PLXNA2: variants seen among roughly 807,000 people sequenced by gnomAD.
The protein encoded by PLXNA2 is plexin-A2.
Under a neutral mutation model 193.5 loss-of-function variants are expected in PLXNA2, and 91 were observed. That is an observed-to-expected ratio of 0.47 (90% CI 0.40 to 0.56). The LOEUF (loss-of-function observed/expected upper bound fraction) is 0.56. Ranked by LOEUF, PLXNA2 falls within the 20% of genes least tolerant of loss-of-function variation. The pLI is 0.00. For missense variants in PLXNA2, 1,995 were observed against 2,503.2 expected, an observed-to-expected ratio of 0.80 and a Z score of 4.33; for synonymous variants, 997 against 1,027.3, an observed-to-expected ratio of 0.97 and a Z score of 0.56.
At chr1:208,175,701 G>A (rs1420536987) in intron 3 of PLXNA2, among the ~76,000 whole-genome samples, 3 of 152,192 alleles carry the variant, frequency 2.0e-5, no homozygotes, top group African/African-American at 7.2e-5. Context: ...GCTCCCCAGG[G>A]GAATGGGCTG....
chr1:208,186,925 G>C (rs1357752294), intron 3 of PLXNA2, among the ~76,000 whole-genome samples: 1 of 151,162 alleles, frequency 6.6e-6, no homozygotes, highest in Non-Finnish European at 1.5e-5. Context: ...GTTTCACCTT[G>C]TTAGCCAGGA....
intron 8 of PLXNA2, 97 bp downstream of exon 8, chr1:208,095,932 A>T: frequency 1.1e-6 from 1 of 898,564 alleles, no homozygotes; most frequent in Non-Finnish European, 1.8e-6. Context: ...AGGTGACTAC[A>T]ACGTGGTTCC....
chr1:208,169,952 T>G (rs1441367627), intron 3 of PLXNA2, among the ~76,000 whole-genome samples: 2 of 152,210 alleles, frequency 1.3e-5, no homozygotes, highest in African/African-American at 4.8e-5. Context: ...ACTTTTCTAG[T>G]CACTGACAAC....
At chr1:208,173,961 C>T (rs149712005) in intron 3 of PLXNA2, among the ~76,000 whole-genome samples, 183 of 152,318 alleles carry the variant, frequency 1.2e-3, no homozygotes, top group Non-Finnish European at 2.1e-3. Context: ...GGTGCATGTG[C>T]GCACCCCCAC....
chr1:208,173,887 G>A (rs1053074858), intron 3 of PLXNA2, among the ~76,000 whole-genome samples: 10 of 152,236 alleles, frequency 6.6e-5, no homozygotes, highest in Non-Finnish European at 1.3e-4. Flanking sequence ...GCTGCTGCTT[G>A]CTCGACTTTC....
intron 4 of PLXNA2, among the ~76,000 whole-genome samples, chr1:208,110,491 C>T (rs752039693): frequency 1.7e-4 from 26 of 152,182 alleles, no homozygotes; most frequent in African/African-American, 3.6e-4. Flanking sequence ...GGCAGTGGAC[C>T]GAGCTTGTTG....
chr1:208,198,205 C>T (rs944777904), intron 3 of PLXNA2, among the ~76,000 whole-genome samples: 5 of 152,180 alleles, frequency 3.3e-5, no homozygotes, highest in Admixed American at 3.3e-4. Context: ...CAGCAGTGGT[C>T]GGCTGTTAAC....
intron 4 of PLXNA2, among the ~76,000 whole-genome samples, chr1:208,107,086 G>C (rs983484246): frequency 6.6e-6 from 1 of 152,210 alleles, no homozygotes; most frequent in African/African-American, 2.4e-5. Context: ...CCAAAACAAT[G>C]TCCTCCATGA....
chr1:208,081,001 G>T (rs1409186357), intron 11 of PLXNA2, among the ~76,000 whole-genome samples: 1 of 152,218 alleles, frequency 6.6e-6, no homozygotes, highest in African/African-American at 2.4e-5. Flanking sequence ...GCTAGTGGGT[G>T]GAGGTGATAC....
chr1:208,073,946 C>T lies in PLXNA2; in HGVS notation c.2586+5314G>A, dbSNP rs181081346. Among the ~76,000 whole-genome samples, 200 of 152,286 alleles carry T rather than the reference C, an allele frequency of 1.3e-3. No homozygotes were observed. In the Middle Eastern group the frequency reaches 0.024, roughly 18 times the overall value. Reference sequence around the variant, plus strand: ...CCTCACAGCGCTCAGAAGGAACCCACGCTGCTGACACCTTGATCTTGAAGT... The same window carrying T: ...CCTCACAGCGCTCAGAAGGAACCCATGCTGCTGACACCTTGATCTTGAAGT... On this transcript the variant is annotated intron_variant, in intron 12 of 31. Transcript: ENST00000367033.
At position 208,084,231 on chromosome 1, in the gene PLXNA2, G is replaced by A. The variant is rs893992690; in HGVS notation, c.2298+149C>T. 9.2e-6 allele frequency: 7 copies of A among 757,984 alleles called. No individual in the cohort carries two copies. In the African/African-American group the frequency reaches 1.2e-4, roughly 13 times the overall value. The allele number at this position is 757,984 out of a possible 1,614,324, so 47.0% of individuals were successfully genotyped here. On this transcript the variant is annotated intron_variant, in intron 10 of 31. Coordinates refer to ENST00000367033, the MANE Select transcript of PLXNA2 (RefSeq NM_025179.4). ...TGCCCTGCTCTGGCTGAGCGGCTGG[G>A]GTGCTGGCTGGCTCCTGCATCCCTG...
chr1:208,182,156 C>T (rs1385163120), intron 3 of PLXNA2, among the ~76,000 whole-genome samples: 5 of 152,120 alleles, frequency 3.3e-5, no homozygotes, highest in East Asian at 3.9e-4. Flanking sequence ...AATCAAAGGC[C>T]GGGTGCAGTG....
intron 14 of PLXNA2, among the ~76,000 whole-genome samples, chr1:208,053,448 T>A (rs1665326692): frequency 6.6e-6 from 1 of 152,162 alleles, no homozygotes. Context: ...GTAGGTTGGC[T>A]GCAGATAGGG....
chr1:208,219,432 G>A (rs748778137), intron 1 of PLXNA2, among the ~76,000 whole-genome samples: 4 of 152,228 alleles, frequency 2.6e-5, no homozygotes, highest in Non-Finnish European at 4.4e-5. Flanking sequence ...GTCCGGCAGA[G>A]AAAGCTTTTC....
At chr1:208,126,953 A>T (rs472086) in intron 4 of PLXNA2, among the ~76,000 whole-genome samples, 145,695 of 152,272 alleles carry the variant, frequency 0.96, 70,037 homozygotes, top group East Asian at 1. Flanking sequence ...CCTTTATAAA[A>T]CTTACCTAAT....
At chr1:208,105,883 G>C (rs11118986) in intron 4 of PLXNA2, among the ~76,000 whole-genome samples, 1 of 151,880 alleles carries the variant, frequency 6.6e-6, no homozygotes, top group African/African-American at 2.4e-5. Flanking sequence ...CATTGCATTC[G>C]GCCCGTCTGT....
At chr1:208,181,756 G>A (rs955690188) in intron 3 of PLXNA2, among the ~76,000 whole-genome samples, 1 of 152,210 alleles carries the variant, frequency 6.6e-6, no homozygotes, top group African/African-American at 2.4e-5. Context: ...TGTGAAGGTA[G>A]GGATGAGGTC....
chr1:208,041,711 C>T (rs572259435), intron 22 of PLXNA2, among the ~76,000 whole-genome samples: 23 of 152,180 alleles, frequency 1.5e-4, no homozygotes, highest in Non-Finnish European at 3.4e-4. Context: ...CCGGACAGCA[C>T]AGCTCTAGAG....
intron 4 of PLXNA2, among the ~76,000 whole-genome samples, chr1:208,140,121 C>T (rs2102480750): frequency 6.6e-6 from 1 of 152,250 alleles, no homozygotes; most frequent in East Asian, 1.9e-4. Flanking sequence ...GTAACAAGAA[C>T]TGGGTACCTG....
Sources: allele counts gnomAD v4.1 joint callset (sites outside exome capture counted in the v4.1 genomes callset), GRCh38; gene constraint gnomAD v4.1.1; transcripts MANE v1.5; gene names NCBI Gene and HGNC (gene_info 2026-07-23, HGNC 2026-07-21).